Variants in MAP3K13 observed in about 807,000 individuals in gnomAD.
MAP3K13 encodes the protein leucine zipper-bearing kinase.
Under a neutral mutation model 104.0 loss-of-function variants are expected in MAP3K13, and 52 were observed. That is an observed-to-expected ratio of 0.50 (90% CI 0.40 to 0.63). MAP3K13 has a LOEUF of 0.63. Among genes scored for constraint, MAP3K13 ranks in the 20% least tolerant of loss-of-function variants. The pLI is 0.00. For synonymous variants in MAP3K13, 394 were observed against 442.2 expected (o/e 0.89, Z 1.37); for missense variants, 914 against 1,218.5 (o/e 0.75, Z 3.72).
chr3:185,459,250 G>A (rs1280489343), intron 7 of MAP3K13, among the ~76,000 whole-genome samples: 4 of 152,214 alleles, frequency 2.6e-5, no homozygotes, highest in Admixed American at 2.6e-4. Flanking sequence ...GGAGTCGTGT[G>A]CCCAGAAAGG....
chr3:185,385,615 A>G (rs2108763082), intron 1 of MAP3K13, among the ~76,000 whole-genome samples: 1 of 152,340 alleles, frequency 6.6e-6, no homozygotes, highest in South Asian at 2.1e-4. Context: ...AGAACACAAC[A>G]AAAAAAGAAA....
rs562777468 is a variant in MAP3K13 at position 185,435,387 on chromosome 3, G to A, written c.476-2060G>A. ...TATGCCATCGATATCTGTGTACCAC[G>A]TGTGCTGCATGTATGAGCCCATGGA... On this transcript the variant is annotated intron_variant, in intron 2 of 13. Transcript: ENST00000265026. Among the ~76,000 whole-genome samples, 6 of 152,216 alleles carry A rather than the reference G, an allele frequency of 3.9e-5. No homozygotes were observed. In the East Asian group the frequency reaches 5.8e-4, roughly 15 times the overall value.
chr3:185,386,408 A>G (rs1711689816), intron 1 of MAP3K13, among the ~76,000 whole-genome samples: 1 of 152,280 alleles, frequency 6.6e-6, no homozygotes, highest in South Asian at 2.1e-4. Context: ...AAGTCAAAAA[A>G]CAACTGATGC....
chr3:185,365,173 C>T (rs904901151), intron 1 of MAP3K13, among the ~76,000 whole-genome samples: 3 of 152,124 alleles, frequency 2.0e-5, no homozygotes, highest in African/African-American at 7.2e-5. Flanking sequence ...TAGAATCCCC[C>T]TCTCTCCCCA....
chr3:185,482,313 G>A lies in MAP3K13; in HGVS notation c.2800-42G>A, dbSNP rs987966751. ...GAGGTGTTTGACATATATTTACTGAGTGATTATCGAAATGAATTAAGGTTT... is the reference window on the plus strand; with the variant it reads ...GAGGTGTTTGACATATATTTACTGAATGATTATCGAAATGAATTAAGGTTT... On this transcript the variant is annotated intron_variant, in intron 13 of 13. Transcript: ENST00000265026. The surrounding 1 kb of genome is among the most constrained non-coding windows in gnomAD (Gnocchi z 4.5). The A allele has an allele frequency of 7.2e-7, 1 of 1,382,574 alleles. No individual in the cohort carries two copies. Among genetic ancestry groups the A allele is most frequent in the Non-Finnish European group, 1.0e-6 (1 of 968,928 alleles). The allele number at this position is 1,382,574 out of a possible 1,614,324, so 85.6% of individuals were successfully genotyped here.
intron 8 of MAP3K13, among the ~76,000 whole-genome samples, chr3:185,465,536 T>C (rs1421470088): frequency 6.6e-6 from 1 of 152,226 alleles, no homozygotes; most frequent in Admixed American, 6.5e-5. Context: ...ATATGGCTCA[T>C]GGGCTCTTTA....
chr3:185,319,261 G>A (rs929336755), intron 2 of MAP3K13, among the ~76,000 whole-genome samples: 3 of 152,162 alleles, frequency 2.0e-5, no homozygotes, highest in African/African-American at 7.2e-5. Context: ...TGATGGATGA[G>A]CATTGTGATG....
chr3:185,428,810 A>G lies in MAP3K13; in HGVS notation c.229A>G (p.Arg77Gly), dbSNP rs760870479. The change falls in exon 2 of 14, where the codon AGG (arginine) becomes GGG (glycine). Residue 77 changes from arginine (R) to glycine (G), a missense_variant. Arg to Gly is a moderately radical substitution (Grantham distance 125). Around this residue, in one of 3 missense-constraint regions of MAP3K13, gnomAD observed 156 missense variants for 159.8 expected, o/e 0.98. Transcript: ENST00000265026. ...GTTGACGAGCGTAAGTGAGGATTCC[A>G]GGGACCAGTTTGAGAACAGCGTTCT... ...TVLTSVSEDS[R>G]DQFENSVLQL... 1 of 1,614,044 alleles carries G rather than the reference A, an allele frequency of 6.2e-7. No individual in the cohort carries two copies.
At chr3:185,411,394 T>G (rs1372953770) in intron 1 of MAP3K13, among the ~76,000 whole-genome samples, 3 of 152,208 alleles carry the variant, frequency 2.0e-5, no homozygotes, top group Admixed American at 2.0e-4. Flanking sequence ...TGCACACAGT[T>G]CTAACATGTT....
Position 185,473,088 on chromosome 3 carries a change from G to A in MAP3K13, c.1757G>A (p.Ser586Asn), listed in dbSNP as rs1472703203. 1 of 1,614,172 alleles carries A rather than the reference G, an allele frequency of 6.2e-7. No individual in the cohort carries two copies. The highest frequency in any genetic ancestry group is 8.5e-7 in the Non-Finnish European group (1 of 1,180,038). Reference protein sequence around the residue: ...STSSSKSRYRSKPRHRRGNSR... With the variant: ...STSSSKSRYRNKPRHRRGNSR... ...TCTAGCAGCAAGAGCCGATATCGAA[G>A]CAAACCACGCCACCGCCGAGGGAAT... The change falls in exon 11 of 14, where the codon AGC becomes AAC. Residue 586 changes from serine (S) to asparagine (N), a missense_variant. Physicochemically the swap from Ser to Asn is conservative, Grantham distance 46. Around this residue, in one of 3 missense-constraint regions of MAP3K13, gnomAD observed 583 missense variants for 737.4 expected, o/e 0.79. Coordinates refer to ENST00000265026, the MANE Select transcript of MAP3K13 (RefSeq NM_004721.5). The surrounding 1 kb of genome is among the most constrained non-coding windows in gnomAD (Gnocchi z 4.9).
At chr3:185,404,446 G>A (rs1021156642) in intron 1 of MAP3K13, among the ~76,000 whole-genome samples, 5 of 152,286 alleles carry the variant, frequency 3.3e-5, no homozygotes, top group African/African-American at 9.6e-5. Context: ...ACACTTGAGC[G>A]TGAGAGCTGG....
chr3:185,380,328 T>C (rs1724650117), intron 1 of MAP3K13, among the ~76,000 whole-genome samples: 1 of 151,470 alleles, frequency 6.6e-6, no homozygotes, highest in African/African-American at 2.4e-5. Flanking sequence ...CTGGCCAACA[T>C]GGTGAAACCC....
chr3:185,374,944 G>T (rs547116444), intron 1 of MAP3K13, among the ~76,000 whole-genome samples: 3 of 152,276 alleles, frequency 2.0e-5, no homozygotes, highest in Admixed American at 2.0e-4. Flanking sequence ...AAGCATAAAA[G>T]TAAAGAACAG....
intron 2 of MAP3K13, among the ~76,000 whole-genome samples, chr3:185,298,631 G>A (rs755243859): frequency 4.6e-5 from 7 of 152,174 alleles, no homozygotes; most frequent in Non-Finnish European, 8.8e-5. Context: ...CATTTGATGA[G>A]TAACGGGAGA....
At chr3:185,453,405 C>T (rs1191484748) in intron 7 of MAP3K13, among the ~76,000 whole-genome samples, 1 of 152,004 alleles carries the variant, frequency 6.6e-6, no homozygotes, top group Non-Finnish European at 1.5e-5. Context: ...CTTCTCATAG[C>T]CCCCCATCCC....
At chr3:185,301,878 T>C (rs1721120913) in intron 2 of MAP3K13, among the ~76,000 whole-genome samples, 1 of 152,260 alleles carries the variant, frequency 6.6e-6, no homozygotes, top group African/African-American at 2.4e-5. Context: ...AGTTTTGTAA[T>C]ATATGTTGAA....
At chr3:185,416,491 T>C (rs565442038) in intron 1 of MAP3K13, among the ~76,000 whole-genome samples, 1 of 152,162 alleles carries the variant, frequency 6.6e-6, no homozygotes, top group African/African-American at 2.4e-5. Context: ...GAGAGAGTTA[T>C]GGCGAGGTTA....
At chr3:185,439,202 A>C (rs1428029264) in intron 3 of MAP3K13, among the ~76,000 whole-genome samples, 1 of 152,150 alleles carries the variant, frequency 6.6e-6, no homozygotes, top group East Asian at 1.9e-4. Context: ...CAACCAGGAC[A>C]CTAAGAGACA....
intron 2 of MAP3K13, among the ~76,000 whole-genome samples, chr3:185,332,673 T>G (rs948822517): frequency 1.3e-5 from 2 of 152,252 alleles, no homozygotes; most frequent in African/African-American, 4.8e-5. Context: ...TTATTTCACT[T>G]AGCCTAATGT....
Sources: allele counts gnomAD v4.1 joint callset (sites outside exome capture counted in the v4.1 genomes callset), GRCh38; gene constraint gnomAD v4.1.1; regional missense constraint gnomAD v4.1.1; non-coding constraint Gnocchi (gnomAD v3.1); transcripts MANE v1.5; gene names NCBI Gene and HGNC (gene_info 2026-07-23, HGNC 2026-07-21).